The following TPI1 variants were observed in gnomAD, a reference collection of about 807,000 sequenced individuals.
TPI1 encodes triosephosphate isomerase 1.
In TPI1, 11 loss-of-function variants were observed where a neutral mutation model predicts 31.0. That is an observed-to-expected ratio of 0.36 (90% CI 0.22 to 0.59). TPI1 has a LOEUF of 0.59. TPI1 is among the 20% of genes least tolerant of loss of function. TPI1 has a pLI of 0.79. For missense variants in TPI1, 245 were observed against 319.7 expected, an observed-to-expected ratio of 0.77 and a Z score of 1.78; for synonymous variants, 121 against 122.8, an observed-to-expected ratio of 0.99 and a Z score of 0.10.
Position 6,868,966 on chromosome 12 carries a change from G to C in TPI1, c.218G>C (p.Gly73Ala). 9.9e-6 allele frequency: 16 copies of C among 1,614,196 alleles called. No homozygotes were observed. The highest frequency in any genetic ancestry group is 1.3e-5 in the Non-Finnish European group (15 of 1,180,036). Residue 73 changes from glycine (G) to alanine (A), a missense_variant, in exon 2 of 7, where the codon GGG becomes GCG. Gly to Ala is a moderately conservative substitution (Grantham distance 60). Coordinates refer to ENST00000396705, the MANE Select transcript of TPI1 (RefSeq NM_000365.6). ...CAGAACTGCTACAAAGTGACTAATG[G>C]GGCTTTTACTGGGGAGATCAGGTGA... ...AAQNCYKVTN[G>A]AFTGEISPGM...
At chr12:6,867,520 C>A, upstream of TPI1, 1 of 1,594,936 alleles carries the variant, frequency 6.3e-7, no homozygotes, top group South Asian at 1.1e-5. Context: ...GGGCAGTGGC[C>A]GCGACTGCGC....
At chr12:6,868,685 G>A in intron 1 of TPI1, 179 bp from the exon 2 acceptor site, 2 of 1,350,198 alleles carry the variant, frequency 1.5e-6, no homozygotes, top group East Asian at 5.1e-5. Flanking sequence ...TTCGAGTTGA[G>A]TGCAGACCCA....
Position 6,870,063 on chromosome 12 carries a change from C to T in TPI1, c.558C>T (p.His186=), listed in dbSNP as rs369241009. 1.5e-5 allele frequency: 25 copies of T among 1,614,200 alleles called. No homozygotes were observed. Among genetic ancestry groups the T allele is most frequent in the Admixed American group, 5.0e-5 (3 of 60,024 alleles). ...TCTTGTTCTAGGCCCAGGAAGTACA[C>T]GAGAAGCTCCGAGGATGGCTGAAGT... is the stretch of plus-strand genomic sequence containing the variant. ...TATPQQAQEV[H]EKLRGWLKSN... is the part of the protein sequence containing the mutation. Residue 186 remains histidine (H), a synonymous_variant, in exon 6 of 7, where the codon CAC becomes CAT. Coordinates refer to ENST00000396705, the MANE Select transcript of TPI1 (RefSeq NM_000365.6).
At position 6,870,305 on chromosome 12, in the gene TPI1, G is replaced by A; in HGVS notation, c.672G>A (p.Gln224=). The part of the protein sequence containing the change: ...TGATCKELAS[Q]PDVDGFLVGG... ...CAACCTGCAAGGAGCTGGCCAGCCA[G>A]CCTGATGTGGATGGCTTCCTTGTGG... The change falls in exon 7 of 7, where the codon CAG becomes CAA. Residue 224 remains glutamine, a synonymous_variant. Coordinates refer to ENST00000396705, the MANE Select transcript of TPI1 (RefSeq NM_000365.6). 6.2e-7 allele frequency: 1 copy of A among 1,614,210 alleles called. No homozygotes were observed. Among genetic ancestry groups the A allele is most frequent in the South Asian group, 1.1e-5 (1 of 91,090 alleles).
At position 6,869,762 on chromosome 12, in the gene TPI1, A is replaced by G. The variant is rs1944545288; in HGVS notation, c.532A>G (p.Thr178Ala). 1 of 1,614,202 alleles carries G rather than the reference A, an allele frequency of 6.2e-7. No individual in the cohort carries two copies. The highest frequency in any genetic ancestry group is 8.5e-7 in the Non-Finnish European group (1 of 1,180,034). The change falls in exon 5 of 7, where the codon ACA (threonine) becomes GCA (alanine). Residue 178 changes from threonine (T) to alanine (A), a missense_variant. Transcript: ENST00000396705. ...GGCCATTGGTACTGGCAAGACTGCAACACCCCAACAGGTAACCGGGCCCAG... is the reference window on the plus strand; with the variant it reads ...GGCCATTGGTACTGGCAAGACTGCAGCACCCCAACAGGTAACCGGGCCCAG... ...VWAIGTGKTATPQQAQEVHEK... is the reference protein window; with the variant it reads ...VWAIGTGKTAAPQQAQEVHEK...
chr12:6,868,076 C>G (rs1273149518), intron 1 of TPI1: 2 of 1,231,258 alleles, frequency 1.6e-6, no homozygotes, highest in Non-Finnish European at 2.1e-6. Flanking sequence ...CCTCCCGCGC[C>G]GTGCGCCGCC....
intron 1 of TPI1, chr12:6,868,402 T>C: frequency 7.8e-7 from 1 of 1,288,530 alleles, no homozygotes; most frequent in Non-Finnish European, 1.0e-6. Context: ...GCCGCGGGCC[T>C]GATCCAAAGA....
At chr12:6,867,509 T>C, upstream of TPI1, 1 of 1,583,924 alleles carries the variant, frequency 6.3e-7, no homozygotes. Context: ...TCTATATAAG[T>C]GGGCAGTGGC....
At chr12:6,868,607 G>A in intron 1 of TPI1, 2 of 1,358,808 alleles carry the variant, frequency 1.5e-6, no homozygotes, top group Non-Finnish European at 1.9e-6. Context: ...GGAAATTGGA[G>A]CCCCAGCTGT....
chr12:6,870,564 C>T lies in TPI1; in HGVS notation c.*181C>T, dbSNP rs187539053. 158 of 763,706 alleles carry T rather than the reference C, an allele frequency of 2.1e-4. 1 individual carries two copies. The highest frequency in any genetic ancestry group is 1.6e-3 in the Middle Eastern group (7 of 4,330). 47.3% of individuals were successfully genotyped at this position (763,706 alleles called of 1,614,324 possible). The stretch of plus-strand genomic sequence containing the variant: ...CACCCTGTAATGGTTGGGACCAGGC[C>T]AATCCCTTCTCCACTTACTATAATG... On this transcript the variant is annotated 3_prime_UTR_variant, in exon 7 of 7. Coordinates refer to ENST00000396705, the MANE Select transcript of TPI1 (RefSeq NM_000365.6).
chr12:6,867,629 T>G lies in TPI1; in HGVS notation c.63T>G (p.Ser21Arg). 1 of 1,611,844 alleles carries G rather than the reference T, an allele frequency of 6.2e-7. No homozygotes were observed. Among genetic ancestry groups the G allele is most frequent in the Non-Finnish European group, 8.5e-7 (1 of 1,179,468 alleles). The change falls in exon 1 of 7, where the codon AGT (serine) becomes AGG (arginine). Residue 21 changes from serine (S) to arginine (R), a missense_variant. By Grantham distance (110) the Ser-to-Arg change is moderately radical. Around this residue, in one of 3 missense-constraint regions of TPI1, gnomAD observed 95 missense variants for 96.4 expected, o/e 0.99. Coordinates refer to ENST00000396705, the MANE Select transcript of TPI1 (RefSeq NM_000365.6). ...GGAAGATGAACGGGCGGAAGCAGAG[T>G]CTGGGGGAGCTCATCGGCACTCTGA... ...GNWKMNGRKQSLGELIGTLNA... is the reference protein window; with the variant it reads ...GNWKMNGRKQRLGELIGTLNA...
chr12:6,869,765 C>G lies in TPI1; in HGVS notation c.535C>G (p.Pro179Ala), dbSNP rs11548744. The G allele has an allele frequency of 3.7e-6, 6 of 1,614,192 alleles. No individual in the cohort carries two copies. In the South Asian group the frequency reaches 6.6e-5, roughly 18 times the overall value. Residue 179 changes from proline to alanine, a missense_variant, in exon 5 of 7, where the codon CCC becomes GCC. By Grantham distance (27) the Pro-to-Ala change is conservative. Coordinates refer to ENST00000396705, the MANE Select transcript of TPI1 (RefSeq NM_000365.6). ...CATTGGTACTGGCAAGACTGCAACACCCCAACAGGTAACCGGGCCCAGGAG... is the reference window on the plus strand; with the variant it reads ...CATTGGTACTGGCAAGACTGCAACAGCCCAACAGGTAACCGGGCCCAGGAG... The part of the protein sequence containing the change: ...WAIGTGKTAT[P>A]QQAQEVHEKL...
At chr12:6,868,822 T>A in intron 1 of TPI1, 42 bp from the exon 2 acceptor site, 2 of 1,596,236 alleles carry the variant, frequency 1.3e-6, no homozygotes. Context: ...GAATGAAGGC[T>A]TTCTTTAGTC....
At chr12:6,868,219 G>C (rs781933652) in intron 1 of TPI1, 1 of 1,287,748 alleles carries the variant, frequency 7.8e-7, no homozygotes, top group Admixed American at 2.3e-5. Context: ...CCACGGAAGG[G>C]ACCGAGCCCG....
rs1046647779 is a variant in TPI1, at chr12:6,870,516, T to C, written c.*133T>C. The C allele has an allele frequency of 1.2e-6, 1 of 802,808 alleles. No individual in the cohort carries two copies. 49.7% of individuals were successfully genotyped at this position (802,808 alleles called of 1,614,324 possible). A position where few individuals can be genotyped will look rare whatever the true frequency, so the allele number is the denominator to read the frequency against. ...TTCCTGTGGCCTCATCCAAACTGTA[T>C]CTTCCTTTACTGTTTATATCTTCAC... On this transcript the variant is annotated 3_prime_UTR_variant, in exon 7 of 7. Coordinates refer to ENST00000396705, the MANE Select transcript of TPI1 (RefSeq NM_000365.6).
Position 6,870,290 on chromosome 12 carries a change from G to C in TPI1, c.657G>C (p.Lys219Asn). The change falls in exon 7 of 7, where the codon AAG (lysine) becomes AAC (asparagine). Residue 219 changes from lysine to asparagine, a missense_variant. Coordinates refer to ENST00000396705, the MANE Select transcript of TPI1 (RefSeq NM_000365.6). ...GCTCTGTGACTGGGGCAACCTGCAA[G>C]GAGCTGGCCAGCCAGCCTGATGTGG... The part of the protein sequence containing the change: ...YGGSVTGATC[K>N]ELASQPDVDG... 6.2e-7 allele frequency: 1 copy of C among 1,614,190 alleles called. No homozygotes were observed. Among genetic ancestry groups the C allele is most frequent in the South Asian group, 1.1e-5 (1 of 91,084 alleles).
In TPI1 at chr12:6,869,767, C is replaced by T; in HGVS notation, c.537C>T (p.Pro179=). ...TTGGTACTGGCAAGACTGCAACACC[C>T]CAACAGGTAACCGGGCCCAGGAGCC... The part of the protein sequence containing the change: ...WAIGTGKTAT[P]QQAQEVHEKL... The change falls in exon 5 of 7, where the codon CCC becomes CCT. Residue 179 remains proline, a synonymous_variant. Transcript: ENST00000396705. 1 of 1,614,198 alleles carries T rather than the reference C, an allele frequency of 6.2e-7. No homozygotes were observed. The highest frequency in any genetic ancestry group is 8.5e-7 in the Non-Finnish European group (1 of 1,180,034).
At chr12:6,867,724 G>T (rs1555131616) in intron 1 of TPI1, 43 bp downstream of exon 1, 1 of 1,552,624 alleles carries the variant, frequency 6.4e-7, no homozygotes, top group Non-Finnish European at 8.7e-7. Flanking sequence ...CCGGGGCCGG[G>T]GCCGGGGCAG....
In TPI1 at chr12:6,868,207, T is replaced by C. The variant is rs1944502879; in HGVS notation, c.115+526T>C. 4 of 1,287,794 alleles carry C rather than the reference T, an allele frequency of 3.1e-6. No homozygotes were observed. The African/African-American group carries it at 6.1e-5, about 20-fold the overall frequency. The allele number at this position is 1,287,794 out of a possible 1,614,324, so 79.8% of individuals were successfully genotyped here. On this transcript the variant is annotated intron_variant, in intron 1 of 6. Transcript: ENST00000396705. ...TTCGGCAACCTGAACGACTCCCGCC[T>C]TCCACGGAAGGGACCGAGCCCGTGC...
Sources: allele counts gnomAD v4.1 joint callset, GRCh38; gene constraint gnomAD v4.1.1; regional missense constraint gnomAD v4.1.1; transcripts MANE v1.5; gene names NCBI Gene and HGNC (gene_info 2026-07-23, HGNC 2026-07-21).